Variants in HTRA1 observed in about 807,000 individuals in gnomAD.
The protein encoded by HTRA1 is serine protease HTRA1.
HTRA1 carries 26 observed loss-of-function variants against 49.7 expected under a neutral mutation model. The observed-to-expected ratio is 0.52, with a 90% confidence interval of 0.38 to 0.73. HTRA1 has a LOEUF of 0.73. HTRA1 is among the 30% of genes least tolerant of loss of function. HTRA1 has a pLI of 0.00. For missense variants in HTRA1, 561 were observed against 667.2 expected, an observed-to-expected ratio of 0.84 and a Z score of 1.75; for synonymous variants, 291 against 286.9, an observed-to-expected ratio of 1.01 and a Z score of -0.14.
At position 122,509,171 on chromosome 10, in the gene HTRA1, AG is replaced by A. The variant is rs372935975; in HGVS notation, c.1120+404del. ...TTGCCCCATCTGCTCTAAGTCAAGC[AG>A]GGAGCTTGGCAGTGGACAGCTCAAC... On this transcript the variant is annotated intron_variant, in intron 6 of 8. Coordinates refer to ENST00000368984, the MANE Select transcript of HTRA1 (RefSeq NM_002775.5). Among the ~76,000 whole-genome samples the A allele has an allele frequency of 9.0e-4, 137 of 152,338 alleles. No homozygotes were observed. The South Asian group carries it at 0.027, about 30-fold the overall frequency.
In HTRA1 at chr10:122,512,013, G is replaced by C. The variant is rs779926239; in HGVS notation, c.1222G>C (p.Val408Leu). The C allele has an allele frequency of 1.2e-6, 2 of 1,614,018 alleles. No homozygotes were observed. Among genetic ancestry groups the C allele is most frequent in the East Asian group, 2.2e-5 (1 of 44,866 alleles). Reference protein sequence around the residue: ...LKDRHRDFPDVISGAYIIEVI... With the variant: ...LKDRHRDFPDLISGAYIIEVI... ...GGACCGGCACCGGGACTTCCCAGACGTGATCTCAGGAGCGTATATAATTGA... is the reference window on the plus strand; with the variant it reads ...GGACCGGCACCGGGACTTCCCAGACCTGATCTCAGGAGCGTATATAATTGA... The change falls in exon 8 of 9, where the codon GTG becomes CTG. Residue 408 changes from valine (V) to leucine (L), a missense_variant. Coordinates refer to ENST00000368984, the MANE Select transcript of HTRA1 (RefSeq NM_002775.5).
chr10:122,471,502 A>C (rs763555190), intron 1 of HTRA1, among the ~76,000 whole-genome samples: 32 of 152,186 alleles, frequency 2.1e-4, no homozygotes. Context: ...GTTTGCATGC[A>C]TCTTGTGGAT....
In HTRA1 at chr10:122,490,777, T is replaced by A. The variant is rs939271499; in HGVS notation, c.777+1151T>A. On this transcript the variant is annotated intron_variant, in intron 3 of 8. Transcript: ENST00000368984. The surrounding 1 kb of genome is among the most constrained non-coding windows in gnomAD (Gnocchi z 4.2). ...GGTTACACCTCCTTCTGGAAACAAC[T>A]CTGCGTGTGCTGTTTGGGTGGTAGG... 6.6e-6 allele frequency among the ~76,000 whole-genome samples: 1 copy of A among 152,222 alleles called. No individual in the cohort carries two copies. The highest frequency in any genetic ancestry group is 6.5e-5 in the Admixed American group (1 of 15,282).
chr10:122,507,518 G>C (rs987606937), intron 5 of HTRA1, 116 bp downstream of exon 5: 1 of 815,686 alleles, frequency 1.2e-6, no homozygotes, highest in African/African-American at 1.7e-5. Context: ...TCAAACATAA[G>C]GTTGCCAAAG....
chr10:122,495,050 G>A (rs1049185086), intron 3 of HTRA1, among the ~76,000 whole-genome samples: 12 of 152,008 alleles, frequency 7.9e-5, no homozygotes, highest in African/African-American at 2.4e-4. Flanking sequence ...TCAGGCAACC[G>A]GATGGTCAGA....
intron 1 of HTRA1, among the ~76,000 whole-genome samples, chr10:122,476,706 G>C (rs965234862): frequency 2.6e-5 from 4 of 152,208 alleles, no homozygotes; most frequent in Non-Finnish European, 5.9e-5. Context: ...ATGCAGGTGG[G>C]GGGGCCTTCC....
At chr10:122,501,977 T>G (rs1425956929) in intron 3 of HTRA1, among the ~76,000 whole-genome samples, 2 of 140,028 alleles carry the variant, frequency 1.4e-5, no homozygotes, top group East Asian at 4.1e-4. Flanking sequence ...TTTTTTTTTT[T>G]TTTTTTTTTT....
intron 1 of HTRA1, among the ~76,000 whole-genome samples, chr10:122,474,355 C>T (rs1263567419): frequency 1.3e-5 from 2 of 152,140 alleles, no homozygotes; most frequent in Non-Finnish European, 2.9e-5. Context: ...CACAAGTTCC[C>T]CTCGCATGGG....
intron 1 of HTRA1, among the ~76,000 whole-genome samples, chr10:122,472,369 C>T (rs867346056): frequency 1.5e-4 from 21 of 141,822 alleles, no homozygotes; most frequent in African/African-American, 3.9e-4. Context: ...TTCTTTATTA[C>T]TATTATTATT....
intron 3 of HTRA1, among the ~76,000 whole-genome samples, chr10:122,501,336 G>A (rs2097500772): frequency 6.6e-6 from 1 of 152,196 alleles, no homozygotes; most frequent in Admixed American, 6.5e-5. Flanking sequence ...CTTTTAAGCA[G>A]ATTAGCAGAC....
At chr10:122,472,330 T>C (rs1351971380) in intron 1 of HTRA1, among the ~76,000 whole-genome samples, 1 of 150,364 alleles carries the variant, frequency 6.7e-6, no homozygotes, top group African/African-American at 2.4e-5. Flanking sequence ...AAGATTCATA[T>C]TTCACCATCA....
At chr10:122,511,075 C>T (rs1199513986) in intron 7 of HTRA1, among the ~76,000 whole-genome samples, 1 of 152,098 alleles carries the variant, frequency 6.6e-6, no homozygotes, top group Non-Finnish European at 1.5e-5. Flanking sequence ...ACGATATGAC[C>T]CCTGAGTGCC....
At chr10:122,482,821 G>A (rs749914164) in intron 1 of HTRA1, among the ~76,000 whole-genome samples, 15 of 150,198 alleles carry the variant, frequency 1.0e-4, no homozygotes, top group Non-Finnish European at 1.6e-4. Flanking sequence ...AGGAGGCTGA[G>A]GCAGGAGAAT....
At chr10:122,471,446 T>C (rs1234883936) in intron 1 of HTRA1, among the ~76,000 whole-genome samples, 1 of 152,212 alleles carries the variant, frequency 6.6e-6, no homozygotes, top group Non-Finnish European at 1.5e-5. Context: ...AAAAATATCA[T>C]TCTGCTCCGA....
chr10:122,489,043 C>A, intron 2 of HTRA1, 42 bp downstream of exon 2: 1 of 1,362,704 alleles, frequency 7.3e-7, no homozygotes, highest in Non-Finnish European at 1.1e-6. Context: ...CCGAAGCTTT[C>A]ACCGCCACTA....
At position 122,487,123 on chromosome 10, in the gene HTRA1, C is replaced by A. The variant is rs919633928; in HGVS notation, c.473-1779C>A. Among the ~76,000 whole-genome samples the A allele has an allele frequency of 2.0e-5, 3 of 152,140 alleles. No homozygotes were observed. The highest frequency in any genetic ancestry group is 4.4e-5 in the Non-Finnish European group (3 of 68,028). On this transcript the variant is annotated intron_variant, in intron 1 of 8. Transcript: ENST00000368984. The surrounding 1 kb of genome is among the most constrained non-coding windows in gnomAD (Gnocchi z 4.8). ...TTTCAGTGCAACAGACATAAGATTA[C>A]CATGTGAAATTGCTATGAAAGTTTC...
chr10:122,489,382 A>G, intron 2 of HTRA1, 40 bp from the exon 3 acceptor site: 1 of 1,567,796 alleles, frequency 6.4e-7, no homozygotes, highest in Non-Finnish European at 8.8e-7. Context: ...GTTCATTTTA[A>G]GGTGCTACAG....
In HTRA1 at chr10:122,494,332, A is replaced by G; in HGVS notation, c.777+4706A>G. On this transcript the variant is annotated intron_variant, in intron 3 of 8. Transcript: ENST00000368984. This position sits in a 1 kb window ranked among gnomAD's most constrained non-coding sequence, Gnocchi z 4.0. ...CGGAGGAAGCAAGGGCACCCGCCAC[A>G]TGGATGGAATTGAGGGGAAGGCACC... Among the ~76,000 whole-genome samples the G allele has an allele frequency of 6.6e-6, 1 of 152,106 alleles. No homozygotes were observed. Among genetic ancestry groups the G allele is most frequent in the Non-Finnish European group, 1.5e-5 (1 of 68,006 alleles).
intron 3 of HTRA1, among the ~76,000 whole-genome samples, chr10:122,501,599 A>G (rs886134598): frequency 2.6e-5 from 4 of 151,976 alleles, no homozygotes; most frequent in African/African-American, 7.3e-5. Flanking sequence ...CGCATTCCTG[A>G]CTCAGGCAAA....
Sources: gnomAD v4.1 joint callset for allele counts (sites outside exome capture counted in the v4.1 genomes callset) on GRCh38, gnomAD v4.1.1 for gene constraint, Gnocchi (gnomAD v3.1) non-coding constraint, MANE v1.5 for transcripts, NCBI Gene and HGNC (gene_info 2026-07-23, HGNC 2026-07-21) for gene names.